DGKB: variants seen among roughly 807,000 people sequenced by gnomAD.
DGKB encodes 90 kDa diacylglycerol kinase.
A neutral mutation model predicts 114.3 loss-of-function variants in DGKB; 67 were observed. The observed-to-expected ratio is 0.59, with a 90% CI of 0.48 to 0.72. The LOEUF (loss-of-function observed/expected upper bound fraction) is 0.72. Ranked by LOEUF, DGKB falls within the 30% of genes least tolerant of loss-of-function variation. The pLI is 0.00. For missense variants in DGKB, 907 were observed against 975.2 expected (o/e 0.93, Z 0.93); for synonymous variants, 398 against 323.1 (o/e 1.23, Z -2.49).
At chr7:14,381,849 G>T (rs1436637771) in intron 21 of DGKB, among the ~76,000 whole-genome samples, 2 of 152,008 alleles carry the variant, frequency 1.3e-5, no homozygotes, top group Non-Finnish European at 2.9e-5. Context: ...CAGAGGAATA[G>T]TAATGATATT....
At chr7:14,263,533 G>A (rs1234376669) in intron 23 of DGKB, among the ~76,000 whole-genome samples, 1 of 152,112 alleles carries the variant, frequency 6.6e-6, no homozygotes, top group Non-Finnish European at 1.5e-5. Context: ...TACATGCTAT[G>A]CATGGCTAAA....
chr7:14,920,474 A>G (rs1046442929), intron 1 of DGKB, among the ~76,000 whole-genome samples: 1 of 152,220 alleles, frequency 6.6e-6, no homozygotes. Context: ...TAGAATGTCT[A>G]TAATCCAAAA....
chr7:14,223,732 T>A lies in DGKB; in HGVS notation c.2123-45581A>T, dbSNP rs868588447. On this transcript the variant is annotated intron_variant, in intron 23 of 25. Transcript: ENST00000402815. ...AGTTTTGGTTTATTTGGGATTATGT[T>A]TATTTTGCTTTCATTTATGAGAGAC... 6.3e-4 allele frequency among the ~76,000 whole-genome samples: 95 copies of A among 151,764 alleles called. 2 individuals carry two copies. The highest frequency in any genetic ancestry group is 2.5e-4 in the Non-Finnish European group (17 of 67,810).
intron 20 of DGKB, among the ~76,000 whole-genome samples, chr7:14,518,538 A>T: frequency 6.6e-6 from 1 of 152,092 alleles, no homozygotes; most frequent in South Asian, 2.1e-4. Context: ...TGAACTTTAA[A>T]ACTTTGTGTG....
chr7:14,746,545 C>G (rs919644674), intron 4 of DGKB, among the ~76,000 whole-genome samples: 12 of 152,154 alleles, frequency 7.9e-5, no homozygotes, highest in African/African-American at 2.9e-4. Context: ...CCACCCCATG[C>G]TGGAGTGCAA....
At chr7:14,324,785 G>T (rs1808436123) in intron 23 of DGKB, among the ~76,000 whole-genome samples, 1 of 151,926 alleles carries the variant, frequency 6.6e-6, no homozygotes. Context: ...CATATTCAAA[G>T]TCCTGAGACC....
chr7:14,862,295 G>A (rs1253063670), intron 1 of DGKB, among the ~76,000 whole-genome samples: 1 of 152,046 alleles, frequency 6.6e-6, no homozygotes, highest in Non-Finnish European at 1.5e-5. Context: ...GTGTATGTAT[G>A]TGTATGTACA....
chr7:14,426,269 A>G (rs1827510018), intron 21 of DGKB, among the ~76,000 whole-genome samples: 1 of 152,180 alleles, frequency 6.6e-6, no homozygotes, highest in South Asian at 2.1e-4. Flanking sequence ...CTATTTATGT[A>G]TAAAGGATAA....
chr7:14,228,060 A>G (rs1434159597), intron 23 of DGKB, among the ~76,000 whole-genome samples: 1 of 152,058 alleles, frequency 6.6e-6, no homozygotes, highest in East Asian at 1.9e-4. Context: ...ATAGGCTCAG[A>G]GAACTCAATT....
intron 20 of DGKB, among the ~76,000 whole-genome samples, chr7:14,559,602 C>T (rs912292051): frequency 5.3e-5 from 8 of 152,164 alleles, no homozygotes; most frequent in Admixed American, 2.6e-4. Flanking sequence ...TTTTAGAAAA[C>T]TCAACTACTA....
chr7:14,309,105 A>G (rs1368965269), intron 23 of DGKB, among the ~76,000 whole-genome samples: 1 of 152,078 alleles, frequency 6.6e-6, no homozygotes, highest in African/African-American at 2.4e-5. Context: ...AGTCCCAGCT[A>G]CTTGAGAGGC....
At chr7:14,485,940 C>T (rs10231930) in intron 20 of DGKB, among the ~76,000 whole-genome samples, 387 of 151,886 alleles carry the variant, frequency 2.5e-3, no homozygotes, top group African/African-American at 8.7e-3. Context: ...TGGCTGCACC[C>T]GTGAGCAGGT....
chr7:14,673,614 C>T (rs1032489229), intron 12 of DGKB, among the ~76,000 whole-genome samples: 7 of 151,794 alleles, frequency 4.6e-5, no homozygotes, highest in Admixed American at 2.0e-4. Flanking sequence ...ATCAGCTCAA[C>T]GTTAAGTTAG....
intron 1 of DGKB, among the ~76,000 whole-genome samples, chr7:14,874,354 C>T (rs1261238069): frequency 3.3e-5 from 5 of 151,976 alleles, no homozygotes; most frequent in Non-Finnish European, 7.4e-5. Flanking sequence ...TAGTTGATAG[C>T]TTAGCATTGG....
chr7:14,853,633 G>A (rs946753098), intron 1 of DGKB, among the ~76,000 whole-genome samples: 3 of 151,788 alleles, frequency 2.0e-5, no homozygotes, highest in East Asian at 1.9e-4. Context: ...GAGGTGGGCG[G>A]ATGACGTGGT....
chr7:14,974,757 C>G (rs570781045), exon 1 of DGKB: 1 of 152,044 alleles, frequency 6.6e-6, no homozygotes, highest in African/African-American at 2.4e-5. Context: ...ATTCCCTAGC[C>G]AGTAAGGTAC....
intron 2 of DGKB, among the ~76,000 whole-genome samples, chr7:14,758,499 A>T (rs2128448574): frequency 6.6e-6 from 1 of 152,280 alleles, no homozygotes; most frequent in South Asian, 2.1e-4. Context: ...AGGAAATAAT[A>T]GCTAACAAAT....
At chr7:14,889,651 G>GA (rs572646967) in intron 1 of DGKB, among the ~76,000 whole-genome samples, 1,742 of 148,598 alleles carry the variant, frequency 0.012, 30 homozygotes, top group African/African-American at 0.041. Flanking sequence ...CATTGTAAAA[G>GA]AAAAAAAAAG....
intron 1 of DGKB, among the ~76,000 whole-genome samples, chr7:14,954,605 T>TG (rs1013083636): frequency 2.0e-5 from 3 of 151,868 alleles, no homozygotes; most frequent in Non-Finnish European, 4.4e-5. Flanking sequence ...GTGATTTTTT[T>TG]GGGGGGAGGG....
Sources: gnomAD v4.1 joint callset for allele counts (sites outside exome capture counted in the v4.1 genomes callset) on GRCh38, gnomAD v4.1.1 for gene constraint, MANE v1.5 for transcripts, NCBI Gene and HGNC (gene_info 2026-07-23, HGNC 2026-07-21) for gene names.